LPCAT3: variants seen among roughly 807,000 people sequenced by gnomAD.
LPCAT3 encodes the protein lysophosphatidylcholine acyltransferase 3, also known as lysophospholipid acyltransferase 5.
A neutral mutation model predicts 63.4 loss-of-function variants in LPCAT3; 21 were observed. That is an observed-to-expected ratio of 0.33 (90% CI 0.23 to 0.48). The LOEUF (loss-of-function observed/expected upper bound fraction) is 0.48, where lower values mean the gene tolerates loss of function less well. LPCAT3 is among the 20% of genes least tolerant of loss of function. The pLI, the probability that LPCAT3 is intolerant of heterozygous loss-of-function variation, is 0.99. For synonymous variants in LPCAT3, 242 were observed against 227.5 expected (o/e 1.06, Z -0.58); for missense variants, 451 against 590.6 (o/e 0.76, Z 2.45).
chr12:6,989,558 A>C (rs1168349652), intron 1 of LPCAT3, among the ~76,000 whole-genome samples: 1 of 152,014 alleles, frequency 6.6e-6, no homozygotes, highest in Non-Finnish European at 1.5e-5. Context: ...TCGGCCTCCC[A>C]AAGTGCTGGG....
Position 6,978,374 on chromosome 12 carries a change from G to A in LPCAT3, c.1007C>T (p.Ser336Leu). 6.2e-7 allele frequency: 1 copy of A among 1,613,304 alleles called. No individual in the cohort carries two copies. The highest frequency in any genetic ancestry group is 8.5e-7 in the Non-Finnish European group (1 of 1,179,610). The change falls in exon 9 of 13, where the codon TCA becomes TTA. Residue 336 changes from serine to leucine, a missense_variant. By Grantham distance (145) the Ser-to-Leu change is moderately radical (BLOSUM62 -2). This residue lies in a region of LPCAT3 where 304 missense variants were observed against 390.8 expected (regional missense o/e 0.78). Transcript: ENST00000261407. ...CCAGGCGTTGGTGTTGATGTTGAAT[G>A]AGGCAATGGTGCCAGTGAAGCGGGG... is the stretch of plus-strand genomic sequence containing the variant. ...TNPRFTGTIA[S>L]FNINTNAWVA...
At chr12:6,994,488 G>A (rs782366553) in intron 1 of LPCAT3, among the ~76,000 whole-genome samples, 5 of 151,306 alleles carry the variant, frequency 3.3e-5, no homozygotes, top group East Asian at 3.9e-4. Flanking sequence ...GATTACAGGC[G>A]TGAGCCACCG....
At chr12:6,991,607 C>G (rs1946591049) in intron 1 of LPCAT3, among the ~76,000 whole-genome samples, 1 of 152,172 alleles carries the variant, frequency 6.6e-6, no homozygotes, top group Admixed American at 6.5e-5. Context: ...CTAATTTTTA[C>G]TTGAAAGTGT....
At chr12:7,014,388 A>C (rs1946784203) in intron 1 of LPCAT3, among the ~76,000 whole-genome samples, 1 of 152,180 alleles carries the variant, frequency 6.6e-6, no homozygotes, top group Admixed American at 6.5e-5. Context: ...AAGCTGTTGA[A>C]GGGGAGATGT....
chr12:7,015,750 G>A (rs1312119967), intron 1 of LPCAT3, among the ~76,000 whole-genome samples: 2 of 152,112 alleles, frequency 1.3e-5, no homozygotes, highest in African/African-American at 4.8e-5. Flanking sequence ...AGGGGGCTCG[G>A]GAGTGTGGTA....
Position 6,990,281 on chromosome 12 carries a change from G to A in LPCAT3, c.152-6742C>T, listed in dbSNP as rs376909728. ...TCCCAGCACTTCGGGAGGCTGAGGC[G>A]GGCGGATCACGAGGTCAGGAGATCG... On this transcript the variant is annotated intron_variant, in intron 1 of 12. Transcript: ENST00000261407. 1.4e-3 allele frequency among the ~76,000 whole-genome samples: 215 copies of A among 151,320 alleles called. 6 individuals carry two copies. In the East Asian group the frequency reaches 0.039, roughly 27 times the overall value.
intron 1 of LPCAT3, among the ~76,000 whole-genome samples, chr12:7,003,870 C>T (rs1221538415): frequency 2.1e-5 from 3 of 145,056 alleles, no homozygotes; most frequent in African/African-American, 7.8e-5. Context: ...TGCAGTGAGC[C>T]GAGATTGCAC....
In LPCAT3 at chr12:7,018,194, G is replaced by C; in HGVS notation, c.151+80C>G. ...CAGCCCTCCCGGGTGGCTCCGGGAA[G>C]AGAGGGAGGTCCTGTCCCCATTCCT... On this transcript the variant is annotated intron_variant, in intron 1 of 12. Coordinates refer to ENST00000261407, the MANE Select transcript of LPCAT3 (RefSeq NM_005768.6). The surrounding 1 kb of genome is among the most constrained non-coding windows in gnomAD (Gnocchi z 4.9). The C allele has an allele frequency of 6.6e-7, 1 of 1,521,616 alleles. No individual in the cohort carries two copies. 94.3% of individuals were successfully genotyped at this position (1,521,616 alleles called of 1,614,324 possible). A position where few individuals can be genotyped will look rare whatever the true frequency, so the allele number is the denominator to read the frequency against.
At chr12:6,985,413 C>CAAAAT (rs1946513553) in intron 1 of LPCAT3, among the ~76,000 whole-genome samples, 1 of 149,534 alleles carries the variant, frequency 6.7e-6, no homozygotes, top group Non-Finnish European at 1.5e-5. Context: ...CAAAATAAAA[C>CAAAAT]AAAACAAAAA....
At chr12:7,000,941 TC>T (rs1946682232) in intron 1 of LPCAT3, among the ~76,000 whole-genome samples, 1 of 152,016 alleles carries the variant, frequency 6.6e-6, no homozygotes, top group East Asian at 1.9e-4. Flanking sequence ...TCTCCTGACC[TC>T]GTGATCTGCC....
chr12:6,976,423 C>G lies in LPCAT3; in HGVS notation c.*481G>C, dbSNP rs1486125991. ...GGAGATGTGAGCCCCTCTGCTCCTC[C>G]CACAAGAGTTTCCCCTTTGGGCCGG... is the stretch of plus-strand genomic sequence containing the variant. On this transcript the variant is annotated 3_prime_UTR_variant, in exon 13 of 13. Transcript: ENST00000261407. The G allele has an allele frequency of 6.5e-6, 1 of 153,472 alleles. No homozygotes were observed. The highest frequency in any genetic ancestry group is 1.5e-5 in the Non-Finnish European group (1 of 68,758). The allele number at this position is 153,472 out of a possible 1,614,324, so 9.5% of individuals were successfully genotyped here.
At chr12:7,015,835 A>G (rs2138364778) in intron 1 of LPCAT3, among the ~76,000 whole-genome samples, 1 of 152,322 alleles carries the variant, frequency 6.6e-6, no homozygotes. Context: ...GGAGTGGGAT[A>G]TGGAGAAAAC....
rs1157193842 is a variant in LPCAT3 at position 6,976,399 on chromosome 12, G to C, written c.*505C>G. ...CAATGTGCATGGGGGAATCAGAGGG[G>C]AGATGTGAGCCCCTCTGCTCCTCCC... is the stretch of plus-strand genomic sequence containing the variant. On this transcript the variant is annotated 3_prime_UTR_variant, in exon 13 of 13. Transcript: ENST00000261407. 11 of 153,504 alleles carry C rather than the reference G, an allele frequency of 7.2e-5. No individual in the cohort carries two copies. The highest frequency in any genetic ancestry group is 2.7e-4 in the African/African-American group (11 of 41,448). The allele number at this position is 153,504 out of a possible 1,614,324, so 9.5% of individuals were successfully genotyped here. A position where few individuals can be genotyped will look rare whatever the true frequency, so the allele number is the denominator to read the frequency against.
In LPCAT3 at chr12:7,018,365, C is replaced by T. The variant is rs145834040; in HGVS notation, c.60G>A (p.Gln20=). The T allele has an allele frequency of 1.4e-4, 227 of 1,612,446 alleles. No individual in the cohort carries two copies. In the African/African-American group the frequency reaches 2.7e-3, roughly 19 times the overall value. ...GTVVALAGVL[Q]SGFQELSLNK... ...TAAGGCTCAGCTCCTGGAAACCCGA[C>T]TGCAGAACCCCCGCCAGCGCCACCA... The change falls in exon 1 of 13, where the codon CAG becomes CAA. Residue 20 remains glutamine, a synonymous_variant. Coordinates refer to ENST00000261407, the MANE Select transcript of LPCAT3 (RefSeq NM_005768.6). The surrounding 1 kb of genome is among the most constrained non-coding windows in gnomAD (Gnocchi z 4.9).
At chr12:7,002,187 C>T (rs1016405527) in intron 1 of LPCAT3, among the ~76,000 whole-genome samples, 19 of 152,258 alleles carry the variant, frequency 1.2e-4, no homozygotes, top group Non-Finnish European at 2.4e-4. Flanking sequence ...TCTTTCTCTC[C>T]TGCCCTCTCT....
intron 1 of LPCAT3, among the ~76,000 whole-genome samples, chr12:7,004,713 C>T (rs1555156764): frequency 6.6e-6 from 1 of 152,224 alleles, no homozygotes; most frequent in Non-Finnish European, 1.5e-5. Flanking sequence ...CCTTCTACCT[C>T]TCCTGGCTGA....
intron 1 of LPCAT3, among the ~76,000 whole-genome samples, chr12:6,986,839 G>T (rs1946531659): frequency 6.6e-6 from 1 of 151,694 alleles, no homozygotes; most frequent in Non-Finnish European, 1.5e-5. Context: ...TGTCGGCCGG[G>T]TGCGGCAGCT....
chr12:7,011,482 C>T (rs1227954596), intron 1 of LPCAT3, among the ~76,000 whole-genome samples: 3 of 151,774 alleles, frequency 2.0e-5, no homozygotes, highest in African/African-American at 4.8e-5. Flanking sequence ...CCTGTTTCTA[C>T]AAAAAATACA....
At chr12:6,993,810 C>T (rs755781187) in intron 1 of LPCAT3, among the ~76,000 whole-genome samples, 170 of 152,280 alleles carry the variant, frequency 1.1e-3, no homozygotes, top group Non-Finnish European at 2.1e-3. Flanking sequence ...CAAGGTCTCA[C>T]TATGTTGCTC....
Sources: allele counts gnomAD v4.1 joint callset (sites outside exome capture counted in the v4.1 genomes callset), GRCh38; gene constraint gnomAD v4.1.1; regional missense constraint gnomAD v4.1.1; non-coding constraint Gnocchi (gnomAD v3.1); transcripts MANE v1.5; gene names NCBI Gene and HGNC (gene_info 2026-07-23, HGNC 2026-07-21).